The following GALNTL6 variants were observed in gnomAD, a reference collection of about 807,000 sequenced individuals.
The protein encoded by GALNTL6 is polypeptide N-acetylgalactosaminyltransferase like 6.
A neutral mutation model predicts 73.7 loss-of-function variants in GALNTL6; 46 were observed. That is an observed-to-expected ratio of 0.62 (90% CI 0.49 to 0.80). The LOEUF (loss-of-function observed/expected upper bound fraction) is 0.80. GALNTL6 is among the 30% of genes least tolerant of loss of function. The probability of loss-of-function intolerance (pLI) is 0.00; values close to 1 mark genes in which losing one functional copy is unlikely to be tolerated. For missense variants in GALNTL6, 604 were observed against 755.0 expected (o/e 0.80, Z 2.34); for synonymous variants, 259 against 263.7 (o/e 0.98, Z 0.17).
At chr4:172,163,063 A>G (rs1734522149) in intron 2 of GALNTL6, among the ~76,000 whole-genome samples, 1 of 152,162 alleles carries the variant, frequency 6.6e-6, no homozygotes, top group Non-Finnish European at 1.5e-5. Context: ...TGAAAGTTTT[A>G]TGTACATTTC....
intron 5 of GALNTL6, among the ~76,000 whole-genome samples, chr4:172,781,694 CTGAT>C (rs1396876916): frequency 2.0e-5 from 3 of 151,938 alleles, no homozygotes; most frequent in Non-Finnish European, 4.4e-5. Context: ...GAATTCTTGA[CTGAT>C]TATTTTTCCA....
At chr4:172,219,008 T>G (rs836309) in intron 2 of GALNTL6, among the ~76,000 whole-genome samples, 84,534 of 150,498 alleles carry the variant, frequency 0.56, 24,353 homozygotes, top group East Asian at 0.86. Context: ...TTCTATAGAT[T>G]AACAAATTGA....
At chr4:172,175,246 T>G (rs1180339435) in intron 2 of GALNTL6, among the ~76,000 whole-genome samples, 2 of 152,022 alleles carry the variant, frequency 1.3e-5, no homozygotes, top group Admixed American at 1.3e-4. Context: ...CTGGCTAATT[T>G]TTTTGTATGG....
chr4:172,983,095 G>A (rs374898880), intron 10 of GALNTL6, among the ~76,000 whole-genome samples: 26 of 152,198 alleles, frequency 1.7e-4, no homozygotes, highest in African/African-American at 3.9e-4. Flanking sequence ...CACATTCTAC[G>A]CATGTAACAA....
At chr4:172,123,404 T>G (rs1733203674) in intron 2 of GALNTL6, among the ~76,000 whole-genome samples, 1 of 133,028 alleles carries the variant, frequency 7.5e-6, no homozygotes, top group Non-Finnish European at 1.6e-5. Flanking sequence ...TTTACCAAAT[T>G]GCTGTATTAA....
chr4:173,001,798 A>G (rs138747113), intron 10 of GALNTL6, among the ~76,000 whole-genome samples: 1 of 152,348 alleles, frequency 6.6e-6, no homozygotes, highest in African/African-American at 2.4e-5. Context: ...GGAAAAGCAA[A>G]TCAAAACCAC....
chr4:172,058,817 G>T (rs1373721529), intron 2 of GALNTL6, among the ~76,000 whole-genome samples: 1 of 151,928 alleles, frequency 6.6e-6, no homozygotes, highest in Non-Finnish European at 1.5e-5. Context: ...TTACTTTTCT[G>T]CATGCTTTAA....
In GALNTL6 at chr4:172,710,566, G is replaced by C. The variant is rs529876388; in HGVS notation, c.554-98795G>C. Among the ~76,000 whole-genome samples, 3 of 152,196 alleles carry C rather than the reference G, an allele frequency of 2.0e-5. No homozygotes were observed. In the South Asian group the frequency reaches 6.2e-4, roughly 32 times the overall value. Reference sequence around the variant, plus strand: ...ACCTCAAGCTATTTTAACTCGATCAGTTAAAATTATCCAACTATGTCTTGC... The same window carrying C: ...ACCTCAAGCTATTTTAACTCGATCACTTAAAATTATCCAACTATGTCTTGC... On this transcript the variant is annotated intron_variant, in intron 5 of 12. Coordinates refer to ENST00000506823, the MANE Select transcript of GALNTL6 (RefSeq NM_001034845.3).
At position 172,314,600 on chromosome 4, in the gene GALNTL6, C is replaced by CTTTTTTTTTT. The variant is rs773057515; in HGVS notation, c.386+2864_386+2873dup. Among the ~76,000 whole-genome samples the CTTTTTTTTTT allele has an allele frequency of 1.1e-4, 8 of 70,704 alleles. 1 individual carries two copies. The highest frequency in any genetic ancestry group is 1.8e-4 in the African/African-American group (3 of 16,374). 46.4% of individuals were successfully genotyped at this position (70,704 alleles called of 152,430 possible). ...TATTTCAGAAATCCTAATGCGTAGG[C>CTTTTTTTTTT]TTTTTTTTTTTTTTTTTTTTTTTTT... is the stretch of plus-strand genomic sequence containing the variant. On this transcript the variant is annotated intron_variant, in intron 4 of 12. Coordinates refer to ENST00000506823, the MANE Select transcript of GALNTL6 (RefSeq NM_001034845.3).
chr4:172,130,899 A>T (rs1003614433), intron 2 of GALNTL6, among the ~76,000 whole-genome samples: 21 of 152,086 alleles, frequency 1.4e-4, no homozygotes, highest in African/African-American at 4.8e-4. Flanking sequence ...CTTGTAGCCT[A>T]TGTGAGTTTT....
chr4:172,734,798 C>T (rs995328590), intron 5 of GALNTL6, among the ~76,000 whole-genome samples: 2 of 152,158 alleles, frequency 1.3e-5, no homozygotes, highest in African/African-American at 4.8e-5. Context: ...GCAGCCAGGA[C>T]TTGGTGCCCT....
chr4:172,112,951 G>A (rs940995893), intron 2 of GALNTL6, among the ~76,000 whole-genome samples: 16 of 151,820 alleles, frequency 1.1e-4, no homozygotes, highest in Non-Finnish European at 2.1e-4. Flanking sequence ...ACAGAAAAAT[G>A]AGAAAATCTG....
chr4:171,916,260 A>T (rs923764321), intron 2 of GALNTL6, among the ~76,000 whole-genome samples: 4 of 152,114 alleles, frequency 2.6e-5, no homozygotes, highest in Non-Finnish European at 4.4e-5. Flanking sequence ...GATGCTGAAA[A>T]AAAAAGCAAA....
At chr4:172,197,254 GA>G (rs1263182317) in intron 2 of GALNTL6, among the ~76,000 whole-genome samples, 1 of 151,334 alleles carries the variant, frequency 6.6e-6, no homozygotes, top group Non-Finnish European at 1.5e-5. Context: ...ACCTCTTCAA[GA>G]AGAACTACAA....
At chr4:172,804,818 C>A (rs1740858278) in intron 5 of GALNTL6, among the ~76,000 whole-genome samples, 1 of 152,314 alleles carries the variant, frequency 6.6e-6, no homozygotes, top group Non-Finnish European at 1.5e-5. Flanking sequence ...GTCTCATAGA[C>A]AGTGAACTGT....
At chr4:172,593,423 A>T (rs148945587) in intron 5 of GALNTL6, among the ~76,000 whole-genome samples, 177 of 152,316 alleles carry the variant, frequency 1.2e-3, no homozygotes, top group African/African-American at 3.7e-3. Context: ...CAGCTGACTA[A>T]TGGCATAGAA....
chr4:172,431,107 A>T (rs1364111013), intron 5 of GALNTL6, among the ~76,000 whole-genome samples: 1 of 152,196 alleles, frequency 6.6e-6, no homozygotes, highest in Non-Finnish European at 1.5e-5. Context: ...TTGGCAAAAT[A>T]AAATTAAATT....
At chr4:172,315,769 C>G (rs569768495) in intron 4 of GALNTL6, among the ~76,000 whole-genome samples, 14 of 152,020 alleles carry the variant, frequency 9.2e-5, no homozygotes, top group Non-Finnish European at 1.8e-4. Flanking sequence ...CAATGGATAT[C>G]TCGGTGGCCT....
At chr4:172,813,456 A>G in intron 6 of GALNTL6, 84 bp from the exon 7 acceptor site, 1 of 1,115,352 alleles carries the variant, frequency 9.0e-7, no homozygotes, top group Non-Finnish European at 1.3e-6. Flanking sequence ...GCATTAGTGG[A>G]GGACTGTAGG....
Sources: gnomAD v4.1 joint callset for allele counts (sites outside exome capture counted in the v4.1 genomes callset) on GRCh38, gnomAD v4.1.1 for gene constraint, MANE v1.5 for transcripts, NCBI Gene and HGNC (gene_info 2026-07-23, HGNC 2026-07-21) for gene names.